OPRM1: variants seen among roughly 807,000 people sequenced by gnomAD.
OPRM1 encodes opioid receptor mu 1, also known as mu-type opioid receptor.
A neutral mutation model predicts 31.8 loss-of-function variants in OPRM1; 27 were observed. That is an observed-to-expected ratio of 0.85 (90% CI 0.63 to 1.17). OPRM1 has a LOEUF of 1.17. Among genes scored for constraint, OPRM1 ranks in the 50% most tolerant of loss-of-function variants. The pLI is 0.00. For missense variants in OPRM1, 536 were observed against 511.1 expected (o/e 1.05, Z -0.47); for synonymous variants, 196 against 189.9 (o/e 1.03, Z -0.26).
chr6:154,195,775 T>C (rs1776566056), intron 3 of OPRM1, among the ~76,000 whole-genome samples: 1 of 148,412 alleles, frequency 6.7e-6, no homozygotes, highest in East Asian at 2.0e-4. Context: ...TAGACCAGAA[T>C]TGTACCTTGT....
intron 1 of OPRM1, among the ~76,000 whole-genome samples, chr6:154,051,410 G>T (rs533987411): frequency 7.7e-4 from 117 of 152,098 alleles, no homozygotes; most frequent in Non-Finnish European, 1.4e-3. Flanking sequence ...ACTTTTATTA[G>T]CCAACATAAA....
intron 1 of OPRM1, among the ~76,000 whole-genome samples, chr6:154,055,087 A>T (rs1211940041): frequency 1.3e-5 from 2 of 152,326 alleles, no homozygotes; most frequent in African/African-American, 4.8e-5. Flanking sequence ...GGTCAACTCT[A>T]AAGTGCTCTG....
intron 3 of OPRM1, among the ~76,000 whole-genome samples, chr6:154,105,971 C>A (rs1322694234): frequency 6.6e-6 from 1 of 152,098 alleles, no homozygotes; most frequent in Non-Finnish European, 1.5e-5. Context: ...TGTGTAAGAG[C>A]AGATCAGTGC....
At chr6:154,222,896 G>C in intron 3 of OPRM1, 1 of 452,064 alleles carries the variant, frequency 2.2e-6, no homozygotes, top group Non-Finnish European at 4.0e-6. Flanking sequence ...AGTCCTGGAG[G>C]GGGTTTATTC....
In OPRM1 at chr6:154,175,876, G is replaced by T. The variant is rs1049755636; in HGVS notation, c.1165-70817G>T. 7.9e-5 allele frequency among the ~76,000 whole-genome samples: 12 copies of T among 152,182 alleles called. 1 individual carries two copies. The highest frequency in any genetic ancestry group is 2.6e-4 in the Admixed American group (4 of 15,268). On this transcript the variant is annotated intron_variant, in intron 3 of 3. Transcript: ENST00000337049. ...CTGGCAGAGACACAACAAAAAAAGG[G>T]AATTTTAGGCCAATATCCCTGATGA...
chr6:154,025,750 CATT>C (rs143283164), intron 1 of OPRM1, among the ~76,000 whole-genome samples: 146 of 152,052 alleles, frequency 9.6e-4, no homozygotes, highest in African/African-American at 3.5e-3. Flanking sequence ...TCTTGTAACT[CATT>C]ATTTTAACCT....
intron 3 of OPRM1, among the ~76,000 whole-genome samples, chr6:154,099,447 A>G (rs1347796058): frequency 1.3e-5 from 1 of 79,880 alleles, no homozygotes; most frequent in African/African-American, 4.5e-5. Flanking sequence ...GGAGGAAGAA[A>G]GAAAGAGAGA....
At chr6:154,189,100 T>C (rs1423994771) in intron 3 of OPRM1, among the ~76,000 whole-genome samples, 1 of 152,194 alleles carries the variant, frequency 6.6e-6, no homozygotes, top group East Asian at 1.9e-4. Context: ...CCAGAATGTA[T>C]ACATTCCTAC....
chr6:154,021,313 C>T (rs1778353663), intron 1 of OPRM1, among the ~76,000 whole-genome samples: 1 of 152,108 alleles, frequency 6.6e-6, no homozygotes, highest in African/African-American at 2.4e-5. Context: ...TTTCATTGTT[C>T]TATTTTTCTA....
At chr6:154,219,741 T>TA (rs1313569935) in intron 3 of OPRM1, among the ~76,000 whole-genome samples, 6 of 152,156 alleles carry the variant, frequency 3.9e-5, no homozygotes, top group South Asian at 2.1e-4. Context: ...ACCAAGGGGA[T>TA]AAAAAAAAGC....
At position 154,086,980 on chromosome 6, in the gene OPRM1, G is replaced by A. The variant is rs1293588318; in HGVS notation, c.291-2846G>A. ...TAATTTTGCTTTTTTGTTGGTTTTT[G>A]TACTTTGGAGTATTTGTCTACATTA... is the stretch of plus-strand genomic sequence containing the variant. On this transcript the variant is annotated intron_variant, in intron 1 of 3. Coordinates refer to ENST00000330432, the MANE Select transcript of OPRM1 (RefSeq NM_000914.5). 3 of 983,844 alleles carry A rather than the reference G, an allele frequency of 3.0e-6. No homozygotes were observed. Among genetic ancestry groups the A allele is most frequent in the Non-Finnish European group, 3.6e-6 (3 of 828,602 alleles). The allele number at this position is 983,844 out of a possible 1,614,324, so 60.9% of individuals were successfully genotyped here. A position where few individuals can be genotyped will look rare whatever the true frequency, so the allele number is the denominator to read the frequency against.
At chr6:154,093,616 C>G (rs773324222) in intron 3 of OPRM1, 2 of 1,276,710 alleles carry the variant, frequency 1.6e-6, no homozygotes, top group Non-Finnish European at 2.1e-6. Context: ...CCAATTAGGC[C>G]TTATCTTCAT....
chr6:154,036,813 T>A (rs995661418), upstream of OPRM1, among the ~76,000 whole-genome samples: 4 of 152,034 alleles, frequency 2.6e-5, no homozygotes, highest in African/African-American at 9.6e-5. Flanking sequence ...AAATATATGC[T>A]AATCATTTTT....
At chr6:154,110,886 CAAAAAAAAAAAA>C (rs374739553) in intron 3 of OPRM1, among the ~76,000 whole-genome samples, 2 of 63,610 alleles carry the variant, frequency 3.1e-5, no homozygotes, top group Non-Finnish European at 6.0e-5. Flanking sequence ...GACTCCGTCT[CAAAAAAAAAAAA>C]AAAAAAAAAA....
chr6:154,107,552 G>A (rs1236377808), intron 3 of OPRM1: 2 of 718,552 alleles, frequency 2.8e-6, no homozygotes, highest in Non-Finnish European at 5.2e-6. Context: ...TCCCTTCCCA[G>A]GAAGAGTCTA....
rs111702066 is a variant in OPRM1 at position 154,123,737 on chromosome 6, C to A, written c.*5016C>A. Among the ~76,000 whole-genome samples the A allele has an allele frequency of 1.3e-5, 2 of 152,156 alleles. No homozygotes were observed. The highest frequency in any genetic ancestry group is 4.8e-5 in the African/African-American group (2 of 41,452). On this transcript the variant is annotated 3_prime_UTR_variant, in exon 4 of 4. Transcript: ENST00000330432. ...CGCATAGGGCAACTTCCTGACATTG[C>A]CATGGCATTTGTAAACTGTCGTGGT...
intron 1 of OPRM1, among the ~76,000 whole-genome samples, chr6:154,040,800 G>T (rs1023885638): frequency 6.6e-6 from 1 of 152,074 alleles, no homozygotes; most frequent in Non-Finnish European, 1.5e-5. Flanking sequence ...AGATGTTCCC[G>T]GTATATTTGG....
intron 1 of OPRM1, among the ~76,000 whole-genome samples, chr6:154,069,534 G>A (rs369365926): frequency 2.6e-4 from 40 of 152,332 alleles, no homozygotes; most frequent in African/African-American, 9.4e-4. Context: ...ACCGCGCCGA[G>A]CCCTGGCCTG....
At chr6:154,238,640 C>T (rs894354975) in intron 3 of OPRM1, among the ~76,000 whole-genome samples, 1 of 151,884 alleles carries the variant, frequency 6.6e-6, no homozygotes, top group Non-Finnish European at 1.5e-5. Flanking sequence ...TTTTATTTCG[C>T]TTACTTCTAT....
Sources: allele counts gnomAD v4.1 joint callset (sites outside exome capture counted in the v4.1 genomes callset), GRCh38; gene constraint gnomAD v4.1.1; transcripts MANE v1.5; gene names NCBI Gene and HGNC (gene_info 2026-07-23, HGNC 2026-07-21).